Variants in TRIO observed in about 807,000 individuals in gnomAD.
TRIO encodes triple functional domain protein.
A neutral mutation model predicts 351.9 loss-of-function variants in TRIO; 58 were observed. The observed-to-expected ratio is 0.16, with a 90% CI of 0.13 to 0.21. The LOEUF (loss-of-function observed/expected upper bound fraction) is 0.21. Ranked by LOEUF, TRIO falls within the 10% of genes least tolerant of loss-of-function variation. The probability of loss-of-function intolerance (pLI) is 1.00; values close to 1 mark genes in which losing one functional copy is unlikely to be tolerated. For missense variants in TRIO, 3,201 were observed against 4,027.8 expected (o/e 0.79, Z 5.56); for synonymous variants, 1,758 against 1,595.7 (o/e 1.10, Z -2.42).
intron 7 of TRIO, chr5:14,297,554 G>A: frequency 3.8e-6 from 1 of 264,958 alleles, no homozygotes; most frequent in Non-Finnish European, 7.3e-6. Flanking sequence ...CCTACACAGT[G>A]CCCGGCACAG....
At chr5:14,353,464 A>C (rs558077141) in intron 11 of TRIO, among the ~76,000 whole-genome samples, 1 of 151,946 alleles carries the variant, frequency 6.6e-6, no homozygotes, top group Non-Finnish European at 1.5e-5. Context: ...GGGTTTCACT[A>C]TATTGGCCAG....
chr5:14,331,298 G>A (rs1239844981), intron 10 of TRIO, among the ~76,000 whole-genome samples: 1 of 152,186 alleles, frequency 6.6e-6, no homozygotes, highest in Non-Finnish European at 1.5e-5. Flanking sequence ...CAGGAGCCGG[G>A]AGTCCAGTGT....
chr5:14,406,512 G>T lies in TRIO; in HGVS notation c.4860-61G>T. 3 of 1,521,122 alleles carry T rather than the reference G, an allele frequency of 2.0e-6. No individual in the cohort carries two copies. The South Asian group carries it at 3.4e-5, about 17-fold the overall frequency. The allele number at this position is 1,521,122 out of a possible 1,614,324, so 94.2% of individuals were successfully genotyped here. A position where few individuals can be genotyped will look rare whatever the true frequency, so the allele number is the denominator to read the frequency against. On this transcript the variant is annotated intron_variant, in intron 32 of 56. Coordinates refer to ENST00000344204, the MANE Select transcript of TRIO (RefSeq NM_007118.4). ...ATGCACCTCATTAAACAAATCAGTT[G>T]CTTCTCCAGTGACTGCCAGCTCAGC...
chr5:14,484,114 C>G (rs1755744424), intron 46 of TRIO, among the ~76,000 whole-genome samples: 2 of 152,032 alleles, frequency 1.3e-5, no homozygotes, highest in African/African-American at 4.8e-5. Context: ...ATCCCCTGCA[C>G]TGCACCCATC....
At chr5:14,282,452 C>A (rs1290711980) in intron 3 of TRIO, among the ~76,000 whole-genome samples, 2 of 152,044 alleles carry the variant, frequency 1.3e-5, no homozygotes, top group South Asian at 2.1e-4. Context: ...GTAACTTTGA[C>A]AACTTGCTTT....
At position 14,487,683 on chromosome 5, in the gene TRIO, TG is replaced by T; in HGVS notation, c.7057del (p.Val2353SerfsTer60). The T allele has an allele frequency of 7.1e-7, 1 of 1,414,316 alleles. No homozygotes were observed. The highest frequency in any genetic ancestry group is 1.5e-5 in the African/African-American group (1 of 66,160). The allele number at this position is 1,414,316 out of a possible 1,614,324, so 87.6% of individuals were successfully genotyped here. On this transcript the variant is annotated frameshift_variant, in exon 48 of 57. Transcript: ENST00000344204. LOFTEE classifies it high-confidence loss of function. ...PQPVRHHPPV[L>X]VSSAASSQAE... is the part of the protein sequence containing the mutation. Reference sequence around the variant, plus strand: ...CCTGTCCGACACCACCCCCCCGTGCTGGTCTCCTCTGCAGCCTCGAGCCAGG... The same window carrying T: ...CCTGTCCGACACCACCCCCCCGTGCTGTCTCCTCTGCAGCCTCGAGCCAGG...
intron 1 of TRIO, among the ~76,000 whole-genome samples, chr5:14,207,542 A>AGC: frequency 3.3e-5 from 5 of 150,096 alleles, no homozygotes; most frequent in Non-Finnish European, 5.9e-5. Context: ...ACACACACAC[A>AGC]CACACACACA....
At chr5:14,488,716 C>T (rs987096082) in intron 48 of TRIO, 6 of 570,270 alleles carry the variant, frequency 1.1e-5, no homozygotes, top group African/African-American at 7.5e-5. Flanking sequence ...TTTGACTCAT[C>T]TGCTGGGGAA....
Position 14,508,850 on chromosome 5 carries a change from G to A in TRIO, c.*428G>A, listed in dbSNP as rs1047257130. On this transcript the variant is annotated 3_prime_UTR_variant, in exon 57 of 57. Transcript: ENST00000344204. Reference sequence around the variant, plus strand: ...CACCTAGGTGGCGGCCACTCCCATGGCCTTGTCTAGGACTCAGAGACCACT... The same window carrying A: ...CACCTAGGTGGCGGCCACTCCCATGACCTTGTCTAGGACTCAGAGACCACT... The A allele has an allele frequency of 1.7e-5, 3 of 175,902 alleles. No homozygotes were observed. The highest frequency in any genetic ancestry group is 2.4e-5 in the Non-Finnish European group (2 of 82,610). 10.9% of individuals were successfully genotyped at this position (175,902 alleles called of 1,614,324 possible). A position where few individuals can be genotyped will look rare whatever the true frequency, so the allele number is the denominator to read the frequency against.
intron 4 of TRIO, among the ~76,000 whole-genome samples, chr5:14,289,315 G>C (rs1377618016): frequency 6.6e-6 from 1 of 151,900 alleles, no homozygotes; most frequent in Non-Finnish European, 1.5e-5. Flanking sequence ...AAATCGGAAG[G>C]TGTAGGTTGC....
intron 3 of TRIO, among the ~76,000 whole-genome samples, chr5:14,285,143 A>G (rs919083582): frequency 2.0e-5 from 3 of 152,172 alleles, no homozygotes; most frequent in African/African-American, 7.2e-5. Context: ...TGTTACCCGG[A>G]TTGTAACCCA....
intron 1 of TRIO, among the ~76,000 whole-genome samples, chr5:14,250,724 A>G (rs903590803): frequency 6.6e-6 from 1 of 151,942 alleles, no homozygotes. Flanking sequence ...GGAAAACTGA[A>G]TCCTCCTATG....
chr5:14,291,134 C>G lies in TRIO; in HGVS notation c.959C>G (p.Ser320Trp). ...TCCACCATGCTGGACCGGCTGCACT[C>G]GACACGGCAGCATCTGCACCAGATG... ...KVSTMLDRLH[S>W]TRQHLHQMWH... is the part of the protein sequence containing the mutation. Residue 320 changes from serine (S) to tryptophan (W), a missense_variant, in exon 5 of 57, where the codon TCG becomes TGG. Coordinates refer to ENST00000344204, the MANE Select transcript of TRIO (RefSeq NM_007118.4). The G allele has an allele frequency of 6.2e-7, 1 of 1,614,130 alleles. No homozygotes were observed. The highest frequency in any genetic ancestry group is 1.1e-5 in the South Asian group (1 of 91,082).
rs749640098 is a variant in TRIO, at chr5:14,397,123, C to T, written c.4392C>T (p.Ala1464=). The T allele has an allele frequency of 1.2e-6, 2 of 1,609,524 alleles. No homozygotes were observed. Among genetic ancestry groups the T allele is most frequent in the Non-Finnish European group, 1.7e-6 (2 of 1,178,728 alleles). ...TGATGCTCAGCGTGCCGAAGCGAGC[C>T]AATGATGCCATGCACCTCAGCATGC... is the stretch of plus-strand genomic sequence containing the variant. ...LEVMLSVPKR[A]NDAMHLSMLE... Residue 1464 remains alanine, a synonymous_variant, in exon 29 of 57, where the codon GCC becomes GCT. Transcript: ENST00000344204.
intron 1 of TRIO, among the ~76,000 whole-genome samples, chr5:14,165,053 A>G (rs961053662): frequency 1.3e-5 from 2 of 152,188 alleles, no homozygotes; most frequent in East Asian, 1.9e-4. Context: ...GGGAAATCAA[A>G]TGGATCAAAG....
chr5:14,176,688 C>A (rs1318780557), intron 1 of TRIO, among the ~76,000 whole-genome samples: 1 of 152,176 alleles, frequency 6.6e-6, no homozygotes, highest in Admixed American at 6.5e-5. Context: ...TGAACTCCTA[C>A]CCACTTGGCC....
intron 1 of TRIO, among the ~76,000 whole-genome samples, chr5:14,181,964 T>A (rs529539368): frequency 6.6e-6 from 1 of 152,108 alleles, no homozygotes; most frequent in Non-Finnish European, 1.5e-5. Flanking sequence ...CTGTTTTTAA[T>A]CTCCTTCTCC....
intron 1 of TRIO, among the ~76,000 whole-genome samples, chr5:14,150,021 G>A (rs566598739): frequency 7.9e-5 from 12 of 152,332 alleles, no homozygotes; most frequent in South Asian, 2.1e-4. Context: ...TGTCCTGGCC[G>A]CTCTGTGGAC....
intron 1 of TRIO, among the ~76,000 whole-genome samples, chr5:14,236,731 A>C (rs1156840642): frequency 6.6e-6 from 1 of 152,206 alleles, no homozygotes; most frequent in Non-Finnish European, 1.5e-5. Context: ...TATAGCATAC[A>C]ATTTCCCCAT....
Sources: gnomAD v4.1 joint callset for allele counts (sites outside exome capture counted in the v4.1 genomes callset) on GRCh38, gnomAD v4.1.1 for gene constraint, MANE v1.5 for transcripts, NCBI Gene and HGNC (gene_info 2026-07-23, HGNC 2026-07-21) for gene names.